Variants in NDRG2 observed in about 807,000 individuals in gnomAD.
NDRG2 encodes protein NDRG2.
NDRG2 carries 34 observed loss-of-function variants against 58.2 expected under a neutral mutation model. The ratio of observed to expected loss-of-function variants is 0.58; its 90% CI spans 0.44 to 0.78. The LOEUF is 0.78. Ranked by LOEUF, NDRG2 falls within the 30% of genes least tolerant of loss-of-function variation. The pLI, the probability that NDRG2 is intolerant of heterozygous loss-of-function variation, is 0.00. For synonymous variants in NDRG2, 187 were observed against 175.9 expected (o/e 1.06, Z -0.50); for missense variants, 434 against 471.2 (o/e 0.92, Z 0.73).
chr14:21,032,037 G>C, intron 1 of NDRG2: 1 of 1,614,160 alleles, frequency 6.2e-7, no homozygotes, highest in Non-Finnish European at 8.5e-7. Context: ...TATGTGAGTG[G>C]TTACAAGGGT....
At chr14:21,032,133 G>A in intron 1 of NDRG2, 2 of 1,563,858 alleles carry the variant, frequency 1.3e-6, no homozygotes, top group East Asian at 4.5e-5. Flanking sequence ...TAACACCAGG[G>A]AGCTTGGAAA....
intron 1 of NDRG2, chr14:21,031,162 T>A (rs772071021): frequency 1.2e-6 from 2 of 1,613,356 alleles, no homozygotes; most frequent in Non-Finnish European, 8.5e-7. Flanking sequence ...CCACTGGCGC[T>A]ACTGTGAGTG....
At chr14:21,058,928 G>GA (rs33940963) in intron 1 of NDRG2, among the ~76,000 whole-genome samples, 1 of 151,682 alleles carries the variant, frequency 6.6e-6, no homozygotes, top group Non-Finnish European at 1.5e-5. Context: ...AAAAGGCCCT[G>GA]AAACACTTAC....
chr14:21,032,716 G>A (rs1417751929), intron 1 of NDRG2: 1 of 362,000 alleles, frequency 2.8e-6, no homozygotes, highest in African/African-American at 2.1e-5. Flanking sequence ...GACTGCTAAG[G>A]GTAGCTCAGG....
intron 1 of NDRG2, among the ~76,000 whole-genome samples, chr14:21,063,035 T>C (rs536490593): frequency 6.7e-6 from 1 of 150,228 alleles, no homozygotes; most frequent in Non-Finnish European, 1.5e-5. Context: ...GATGCTGAAG[T>C]GGGAGGATTG....
chr14:21,045,622 T>C (rs1885108219), intron 1 of NDRG2, among the ~76,000 whole-genome samples: 1 of 152,244 alleles, frequency 6.6e-6, no homozygotes. Flanking sequence ...ATCTTTCTTA[T>C]GGATAATATG....
upstream of NDRG2, chr14:21,030,228 CA>C (rs1269115467): frequency 9.9e-6 from 2 of 202,328 alleles, no homozygotes; most frequent in Non-Finnish European, 2.0e-5. Flanking sequence ...TTGCCACAGC[CA>C]ACCGGCTCCC....
chr14:21,018,288 C>A (rs1348728259), intron 13 of NDRG2, 49 bp from the exon 14 acceptor site: 1 of 1,612,396 alleles, frequency 6.2e-7, no homozygotes, highest in African/African-American at 1.3e-5. Flanking sequence ...CATAAATGAG[C>A]CATGCAGAGA....
upstream of NDRG2, among the ~76,000 whole-genome samples, chr14:21,028,241 T>TTTTTGTTTTGTTTTG (rs71112541): frequency 6.7e-6 from 1 of 150,340 alleles, no homozygotes. Flanking sequence ...CTTGGGGTTC[T>TTTTTGTTTTGTTTTG]TTTTGTTTTG....
chr14:21,017,121 C>A lies in NDRG2; in HGVS notation c.*475G>T. 1 of 419,520 alleles carries A rather than the reference C, an allele frequency of 2.4e-6. No homozygotes were observed. 26.0% of individuals were successfully genotyped at this position (419,520 alleles called of 1,614,324 possible). A position where few individuals can be genotyped will look rare whatever the true frequency, so the allele number is the denominator to read the frequency against. On this transcript the variant is annotated 3_prime_UTR_variant, in exon 16 of 16. Coordinates refer to ENST00000556147, the MANE Select transcript of NDRG2 (RefSeq NM_001320329.2). ...AACCCACCAGCAAGTCTCCCCCTGA[C>A]ACACATTCACGTAGGTCCATACCCT...
At chr14:21,035,912 C>T (rs951463295) in intron 1 of NDRG2, 2 of 445,470 alleles carry the variant, frequency 4.5e-6, no homozygotes, top group African/African-American at 4.0e-5. Flanking sequence ...TTGAGTGAAA[C>T]AGACCAGGAA....
chr14:21,058,484 C>T lies in NDRG2; in HGVS notation c.24+12344G>A, dbSNP rs1419904276. On this transcript the variant is annotated intron_variant, in intron 1 of 14. Coordinates refer to the NDRG2 transcript ENST00000403829. ...TTTCCCTCCCACACACTCAACCTCACATACTCTTGGTTTCTTAGGGAGTTT... is the reference window on the plus strand; with the variant it reads ...TTTCCCTCCCACACACTCAACCTCATATACTCTTGGTTTCTTAGGGAGTTT... 7.4e-6 allele frequency: 5 copies of T among 679,882 alleles called. No individual in the cohort carries two copies. The East Asian group carries it at 1.4e-4, about 18-fold the overall frequency. The allele number at this position is 679,882 out of a possible 1,614,324, so 42.1% of individuals were successfully genotyped here.
intron 1 of NDRG2, among the ~76,000 whole-genome samples, chr14:21,035,464 G>C (rs957125354): frequency 2.6e-5 from 4 of 152,212 alleles, no homozygotes; most frequent in Admixed American, 6.5e-5. Flanking sequence ...CAAAGAGCCA[G>C]CTCCCTGGAA....
chr14:21,036,170 C>A (rs1020091655), intron 1 of NDRG2: 9 of 456,190 alleles, frequency 2.0e-5, no homozygotes, highest in African/African-American at 1.8e-4. Context: ...CCCATCTCTT[C>A]CATTCTTATT....
At chr14:21,052,684 T>G (rs570455926) in intron 1 of NDRG2, among the ~76,000 whole-genome samples, 3 of 152,284 alleles carry the variant, frequency 2.0e-5, no homozygotes, top group African/African-American at 7.2e-5. Context: ...GATTCCAGGC[T>G]GGGAAGGCTG....
intron 1 of NDRG2, chr14:21,032,828 T>C (rs916481282): frequency 9.7e-6 from 4 of 412,804 alleles, no homozygotes; most frequent in African/African-American, 8.3e-5. Context: ...TGTGTGTTAT[T>C]AACTTTTTAT....
chr14:21,067,119 T>C (rs12883040), intron 1 of NDRG2, among the ~76,000 whole-genome samples: 32,060 of 152,096 alleles, frequency 0.21, 3,774 homozygotes, highest in South Asian at 0.33. Flanking sequence ...ATGGCAGTCA[T>C]AGCTCTTGGT....
At position 21,020,567 on chromosome 14, in the gene NDRG2, T is replaced by C. The variant is rs924867781; in HGVS notation, c.484A>G (p.Thr162Ala). The C allele has an allele frequency of 2.5e-6, 4 of 1,613,738 alleles. No individual in the cohort carries two copies. Among genetic ancestry groups the C allele is most frequent in the Non-Finnish European group, 3.4e-6 (4 of 1,179,948 alleles). The change falls in exon 8 of 16, where the codon ACT becomes GCT. Residue 162 changes from threonine (T) to alanine (A), a missense_variant. Transcript: ENST00000556147. ...LARYALNHPDTVEGLVLINID... is the reference protein window; with the variant it reads ...LARYALNHPDAVEGLVLINID... The stretch of plus-strand genomic sequence containing the variant: ...TTGATGAGGACAAGACCTTCAACAG[T>C]GTCCGGGTGGTTAAGCTGAGGGACA...
intron 1 of NDRG2, chr14:21,032,670 C>T (rs1006541512): frequency 2.9e-6 from 1 of 343,520 alleles, no homozygotes; most frequent in African/African-American, 2.2e-5. Context: ...CCCACATCAC[C>T]TCCATCATGG....
Sources: gnomAD v4.1 joint callset for allele counts (sites outside exome capture counted in the v4.1 genomes callset) on GRCh38, gnomAD v4.1.1 for gene constraint, MANE v1.5 for transcripts, NCBI Gene and HGNC (gene_info 2026-07-23, HGNC 2026-07-21) for gene names.